Variants in XRN2 observed in about 807,000 individuals in gnomAD.
XRN2 encodes the protein 5'-3' exoribonuclease 2.
In XRN2, 44 loss-of-function variants were observed where a neutral mutation model predicts 138.5. That is an observed-to-expected ratio of 0.32 (90% CI 0.25 to 0.41). The LOEUF is 0.41. Ranked by LOEUF, XRN2 falls within the 10% of genes least tolerant of loss-of-function variation. The pLI is 1.00. For synonymous variants in XRN2, 354 were observed against 369.4 expected (o/e 0.96, Z 0.48); for missense variants, 937 against 1,169.3 (o/e 0.80, Z 2.90).
intron 1 of XRN2, among the ~76,000 whole-genome samples, chr20:21,324,346 C>T (rs2038091772): frequency 6.6e-6 from 1 of 152,158 alleles, no homozygotes; most frequent in African/African-American, 2.4e-5. Context: ...TCCCGTGATT[C>T]CTTCTCAAAG....
intron 3 of XRN2, among the ~76,000 whole-genome samples, chr20:21,328,219 A>T (rs1229086753): frequency 6.6e-6 from 1 of 152,202 alleles, no homozygotes; most frequent in African/African-American, 2.4e-5. Context: ...TCTTTTGAGT[A>T]AAGTGAGCTT....
In XRN2 at chr20:21,354,852, C is replaced by G; in HGVS notation, c.2000C>G (p.Pro667Arg). ...RLRAALEEVY[P>R]DLTPEETRRN... ...CGAGCTGCCCTAGAAGAGGTATACC[C>G]AGACCTCACTCCAGAAGAGAGTAAG... The change falls in exon 21 of 30, where the codon CCA (proline) becomes CGA (arginine). Residue 667 changes from proline to arginine, a missense_variant. Pro to Arg is a moderately radical substitution (Grantham distance 103, BLOSUM62 -2). Around this residue, in one of 6 missense-constraint regions of XRN2, gnomAD observed 372 missense variants for 414.4 expected, o/e 0.90. Coordinates refer to ENST00000377191, the MANE Select transcript of XRN2 (RefSeq NM_012255.5). 6.2e-7 allele frequency: 1 copy of G among 1,613,720 alleles called. No individual in the cohort carries two copies. Among genetic ancestry groups the G allele is most frequent in the Non-Finnish European group, 8.5e-7 (1 of 1,179,770 alleles).
chr20:21,341,716 G>A (rs188070013), intron 15 of XRN2, among the ~76,000 whole-genome samples: 1 of 152,292 alleles, frequency 6.6e-6, no homozygotes, highest in African/African-American at 2.4e-5. Context: ...CTGTTATTCT[G>A]TTAGTTATCC....
chr20:21,308,788 CAG>C (rs2037838789), intron 1 of XRN2, among the ~76,000 whole-genome samples: 1 of 152,132 alleles, frequency 6.6e-6, no homozygotes, highest in South Asian at 2.1e-4. Flanking sequence ...TACTTCTTAA[CAG>C]TGTCTTGGGA....
In XRN2 at chr20:21,346,469, T is replaced by C. The variant is rs1375107756; in HGVS notation, c.1584T>C (p.Asp528=). 1.2e-6 allele frequency: 2 copies of C among 1,614,180 alleles called. No individual in the cohort carries two copies. The highest frequency in any genetic ancestry group is 1.7e-6 in the Non-Finnish European group (2 of 1,180,014). ...QRYYKNKFDV[D]AADEKFRRKV... Reference sequence around the variant, plus strand: ...ACTACAAGAACAAATTTGATGTGGATGCAGCTGATGAGAAATTCCGTCGGA... The same window carrying C: ...ACTACAAGAACAAATTTGATGTGGACGCAGCTGATGAGAAATTCCGTCGGA... The change falls in exon 17 of 30, where the codon GAT becomes GAC. Residue 528 remains aspartate (D), a synonymous_variant. Transcript: ENST00000377191.
At position 21,357,641 on chromosome 20, in the gene XRN2, TTTC is replaced by T. The variant is rs2038591706; in HGVS notation, c.2199-93_2199-91del. On this transcript the variant is annotated intron_variant, in intron 23 of 29. Transcript: ENST00000377191. ...GTTAGTGCATTCTAATGATTTATCT[TTTC>T]TAAAGACTAACAAACATAGCAACAT... 4.9e-6 allele frequency: 5 copies of T among 1,024,912 alleles called. No homozygotes were observed. In the Admixed American group the frequency reaches 1.4e-4, roughly 29 times the overall value. The allele number at this position is 1,024,912 out of a possible 1,614,324, so 63.5% of individuals were successfully genotyped here.
At chr20:21,388,004 T>C (rs2038953133) in intron 29 of XRN2, among the ~76,000 whole-genome samples, 1 of 152,258 alleles carries the variant, frequency 6.6e-6, no homozygotes, top group Non-Finnish European at 1.5e-5. Flanking sequence ...TGCTTTGAAT[T>C]CTTTCAGCCC....
At chr20:21,366,754 C>T (rs2038709486) in intron 26 of XRN2, among the ~76,000 whole-genome samples, 1 of 152,048 alleles carries the variant, frequency 6.6e-6, no homozygotes, top group South Asian at 2.1e-4. Context: ...TATTGTACAC[C>T]ACAAATATCT....
intron 6 of XRN2, 69 bp from the exon 7 acceptor site, chr20:21,331,492 T>A: frequency 1.5e-6 from 2 of 1,339,482 alleles, no homozygotes; most frequent in East Asian, 4.6e-5. Flanking sequence ...TTGAGACATA[T>A]AATTCTTTTG....
intron 1 of XRN2, among the ~76,000 whole-genome samples, chr20:21,304,719 A>G (rs2037791693): frequency 6.6e-6 from 1 of 152,198 alleles, no homozygotes; most frequent in East Asian, 1.9e-4. Context: ...CACTAGATAT[A>G]TATTTTTATT....
chr20:21,357,643 TC>T (rs2038591817), intron 23 of XRN2, 92 bp from the exon 24 acceptor site: 2 of 1,028,944 alleles, frequency 1.9e-6, no homozygotes, highest in South Asian at 2.1e-5. Context: ...ATTTATCTTT[TC>T]TAAAGACTAA....
chr20:21,356,230 AAT>A (rs1223688901), intron 22 of XRN2, 53 bp downstream of exon 22: 1 of 1,387,836 alleles, frequency 7.2e-7, no homozygotes, highest in Non-Finnish European at 1.0e-6. Context: ...ATTTTGGTAA[AAT>A]ATGCATAACA....
At chr20:21,377,022 T>TA (rs57450439) in intron 27 of XRN2, among the ~76,000 whole-genome samples, 35 of 151,974 alleles carry the variant, frequency 2.3e-4, no homozygotes, top group African/African-American at 6.5e-4. Flanking sequence ...CTCTTGGTTA[T>TA]AAAAAAAACC....
In XRN2 at chr20:21,376,271, G is replaced by T. The variant is rs567058277; in HGVS notation, c.2585-5723G>T. On this transcript the variant is annotated intron_variant, in intron 27 of 29. Coordinates refer to ENST00000377191, the MANE Select transcript of XRN2 (RefSeq NM_012255.5). ...TCAGGAGGCTGTGGTGAGAGGATTG[G>T]TTGAGCCCCGGGAGTTTGAGGCTGC... is the stretch of plus-strand genomic sequence containing the variant. 6.6e-5 allele frequency among the ~76,000 whole-genome samples: 10 copies of T among 152,250 alleles called. No homozygotes were observed. In the South Asian group the frequency reaches 2.1e-3, roughly 32 times the overall value.
chr20:21,336,531 G>A (rs2038296514), intron 13 of XRN2, among the ~76,000 whole-genome samples: 1 of 152,130 alleles, frequency 6.6e-6, no homozygotes, highest in South Asian at 2.1e-4. Context: ...TATTGTATGA[G>A]CTTTCATGTT....
At chr20:21,349,185 T>A (rs1336898829) in intron 19 of XRN2, among the ~76,000 whole-genome samples, 2 of 152,248 alleles carry the variant, frequency 1.3e-5, no homozygotes, top group African/African-American at 4.8e-5. Context: ...TCTACAGTAA[T>A]GCTTTTTCAT....
intron 20 of XRN2, 36 bp downstream of exon 20, chr20:21,349,497 A>T: frequency 7.1e-7 from 1 of 1,399,206 alleles, no homozygotes; most frequent in Non-Finnish European, 1.0e-6. Context: ...TAAAACTGTG[A>T]ACAAACATAA....
At chr20:21,365,921 A>T (rs1600711063) in intron 26 of XRN2, among the ~76,000 whole-genome samples, 1 of 93,082 alleles carries the variant, frequency 1.1e-5, no homozygotes, top group Admixed American at 1.3e-4. Flanking sequence ...ATATAATATA[A>T]TATATATATA....
At chr20:21,331,974 A>G (rs912845614) in intron 8 of XRN2, among the ~76,000 whole-genome samples, 156 bp downstream of exon 8, 1 of 152,156 alleles carries the variant, frequency 6.6e-6, no homozygotes, top group African/African-American at 2.4e-5. Context: ...TTGCTGTTTA[A>G]TCTGTGGTCA....
Sources: gnomAD v4.1 joint callset for allele counts (sites outside exome capture counted in the v4.1 genomes callset) on GRCh38, gnomAD v4.1.1 for gene constraint, gnomAD v4.1.1 regional missense constraint, MANE v1.5 for transcripts, NCBI Gene and HGNC (gene_info 2026-07-23, HGNC 2026-07-21) for gene names.